The following GABBR2 variants were observed in gnomAD, a reference collection of about 807,000 sequenced individuals.
The protein encoded by GABBR2 is G-protein coupled receptor 51.
Under a neutral mutation model 105.6 loss-of-function variants are expected in GABBR2, and 23 were observed. That is an observed-to-expected ratio of 0.22 (90% CI 0.16 to 0.31). The LOEUF (loss-of-function observed/expected upper bound fraction) is 0.31. Among genes scored for constraint, GABBR2 ranks in the 10% least tolerant of loss-of-function variants. The pLI is 1.00. For synonymous variants in GABBR2, 478 were observed against 499.7 expected (o/e 0.96, Z 0.58); for missense variants, 734 against 1,245.5 (o/e 0.59, Z 6.18).
At position 98,443,265 on chromosome 9, in the gene GABBR2, T is replaced by C. The variant is rs1826063876; in HGVS notation, c.1236+10716A>G. Among the ~76,000 whole-genome samples the C allele has an allele frequency of 2.0e-5, 3 of 152,174 alleles. No individual in the cohort carries two copies. The South Asian group carries it at 6.2e-4, about 32-fold the overall frequency. Reference sequence around the variant, plus strand: ...ATAAAGACAGAGCCTGCACCTTCTGTTGAAGCTCTCATAAGCTGATACACT... The same window carrying C: ...ATAAAGACAGAGCCTGCACCTTCTGCTGAAGCTCTCATAAGCTGATACACT... On this transcript the variant is annotated intron_variant, in intron 7 of 18. Transcript: ENST00000259455.
intron 1 of GABBR2, among the ~76,000 whole-genome samples, chr9:98,664,415 C>A (rs1016334140): frequency 5.3e-5 from 8 of 152,244 alleles, no homozygotes; most frequent in Non-Finnish European, 8.8e-5. Flanking sequence ...TCCCAGAGCA[C>A]TAGCTTTGCT....
chr9:98,525,154 G>T (rs10819028), intron 3 of GABBR2, among the ~76,000 whole-genome samples: 40,290 of 152,028 alleles, frequency 0.27, 5,766 homozygotes, highest in Non-Finnish European at 0.31. Context: ...AAGAAAAAAA[G>T]ATAGATTTGA....
intron 8 of GABBR2, among the ~76,000 whole-genome samples, chr9:98,401,851 G>A (rs1832400199): frequency 6.6e-6 from 1 of 152,182 alleles, no homozygotes; most frequent in Non-Finnish European, 1.5e-5. Flanking sequence ...GAGGATCGGG[G>A]ACTGTATCTT....
intron 14 of GABBR2, among the ~76,000 whole-genome samples, chr9:98,310,368 C>T (rs1830616974): frequency 1.3e-5 from 2 of 150,238 alleles, no homozygotes; most frequent in Admixed American, 6.6e-5. Flanking sequence ...CCTGCCTCAG[C>T]CTCCAAAGTA....
At chr9:98,433,443 T>A (rs913959579) in intron 7 of GABBR2, among the ~76,000 whole-genome samples, 6 of 152,200 alleles carry the variant, frequency 3.9e-5, no homozygotes, top group African/African-American at 1.4e-4. Context: ...AGGTGATGAA[T>A]CATGAAAGTA....
chr9:98,657,722 A>G (rs909031031), intron 1 of GABBR2, among the ~76,000 whole-genome samples: 3 of 152,272 alleles, frequency 2.0e-5, no homozygotes, highest in Admixed American at 6.5e-5. Flanking sequence ...ATATGGCAAG[A>G]GCGGGACCAG....
intron 2 of GABBR2, among the ~76,000 whole-genome samples, chr9:98,559,980 A>G (rs113383547): frequency 7.4e-4 from 113 of 151,894 alleles, no homozygotes; most frequent in African/African-American, 2.7e-3. Context: ...GAACAAACAC[A>G]CACACACACA....
intron 13 of GABBR2, among the ~76,000 whole-genome samples, chr9:98,315,609 G>T (rs910103514): frequency 1.3e-5 from 2 of 152,234 alleles, no homozygotes; most frequent in African/African-American, 4.8e-5. Context: ...CCACACATGG[G>T]GAGAGATGCA....
intron 13 of GABBR2, among the ~76,000 whole-genome samples, chr9:98,326,400 A>T (rs544728409): frequency 1.1e-4 from 16 of 152,362 alleles, no homozygotes; most frequent in Non-Finnish European, 2.2e-4. Flanking sequence ...GGCTCAAGGA[A>T]CTGACCAAAG....
chr9:98,629,016 A>C (rs1298566932), intron 1 of GABBR2, among the ~76,000 whole-genome samples: 1 of 152,218 alleles, frequency 6.6e-6, no homozygotes, highest in Non-Finnish European at 1.5e-5. Context: ...ATTTGAAACG[A>C]AGTCTAAGTC....
At chr9:98,682,564 C>G (rs1029403000) in intron 1 of GABBR2, among the ~76,000 whole-genome samples, 15 of 151,756 alleles carry the variant, frequency 9.9e-5, no homozygotes, top group African/African-American at 3.6e-4. Flanking sequence ...TTAGTAGAGA[C>G]ATGGTTTTGC....
At chr9:98,405,291 A>AT (rs1832470642) in intron 8 of GABBR2, among the ~76,000 whole-genome samples, 1 of 152,130 alleles carries the variant, frequency 6.6e-6, no homozygotes, top group South Asian at 2.1e-4. Flanking sequence ...CCACTGTTGC[A>AT]TGTCTGTGGT....
At chr9:98,688,316 G>A (rs1263011543) in intron 1 of GABBR2, among the ~76,000 whole-genome samples, 6 of 151,342 alleles carry the variant, frequency 4.0e-5, no homozygotes, top group Non-Finnish European at 8.8e-5. Flanking sequence ...CTCCTATCTC[G>A]GCATCATCAG....
chr9:98,311,238 G>C, intron 13 of GABBR2, 33 bp from the exon 14 acceptor site: 1 of 1,345,780 alleles, frequency 7.4e-7, no homozygotes, highest in Non-Finnish European at 1.1e-6. Context: ...CTCAGGGATG[G>C]CACAGGACAC....
At chr9:98,292,471 G>A (rs1227187656) in intron 18 of GABBR2, among the ~76,000 whole-genome samples, 1 of 152,138 alleles carries the variant, frequency 6.6e-6, no homozygotes, top group East Asian at 1.9e-4. Flanking sequence ...GTCACTGGTG[G>A]GTTCTGAGAT....
intron 3 of GABBR2, among the ~76,000 whole-genome samples, chr9:98,526,954 G>A (rs539080878): frequency 4.2e-4 from 64 of 151,780 alleles, no homozygotes; most frequent in African/African-American, 1.5e-3. Flanking sequence ...ACCTTACTAA[G>A]AGCATTCTCA....
rs1055986514 is a variant in GABBR2, at chr9:98,454,376, A to C, written c.1000-159T>G. On this transcript the variant is annotated intron_variant, in intron 6 of 18. Coordinates refer to ENST00000259455, the MANE Select transcript of GABBR2 (RefSeq NM_005458.8). The surrounding 1 kb of genome is among the most constrained non-coding windows in gnomAD (Gnocchi z 4.6). The stretch of plus-strand genomic sequence containing the variant: ...CTCATTTAACCCTCACAACAACCTC[A>C]TAAGGTGGGTACTGTTATTGTCCCC... Among the ~76,000 whole-genome samples the C allele has an allele frequency of 6.6e-6, 1 of 152,134 alleles. No homozygotes were observed. The highest frequency in any genetic ancestry group is 2.1e-4 in the South Asian group (1 of 4,828).
chr9:98,389,641 A>T (rs1832143226), intron 9 of GABBR2, among the ~76,000 whole-genome samples: 1 of 152,142 alleles, frequency 6.6e-6, no homozygotes, highest in Non-Finnish European at 1.5e-5. Context: ...GTGGGATTCC[A>T]TTTCTCTATG....
chr9:98,382,082 T>G (rs886437779), intron 11 of GABBR2, among the ~76,000 whole-genome samples: 1 of 152,092 alleles, frequency 6.6e-6, no homozygotes, highest in Non-Finnish European at 1.5e-5. Context: ...CAGCCCTTCA[T>G]GTCTGCTGCA....
Sources: allele counts gnomAD v4.1 joint callset (sites outside exome capture counted in the v4.1 genomes callset), GRCh38; gene constraint gnomAD v4.1.1; non-coding constraint Gnocchi (gnomAD v3.1); transcripts MANE v1.5; gene names NCBI Gene and HGNC (gene_info 2026-07-23, HGNC 2026-07-21).